Variants in HDAC9 observed in about 807,000 individuals in gnomAD.
HDAC9 encodes histone deacetylase 9.
Under a neutral mutation model 139.4 loss-of-function variants are expected in HDAC9, and 41 were observed. The ratio of observed to expected loss-of-function variants is 0.29; its 90% CI spans 0.23 to 0.38. The LOEUF (loss-of-function observed/expected upper bound fraction) is 0.38. Ranked by LOEUF, HDAC9 falls within the 10% of genes least tolerant of loss-of-function variation. HDAC9 has a pLI of 1.00. For missense variants in HDAC9, 1,147 were observed against 1,297.0 expected, an observed-to-expected ratio of 0.88 and a Z score of 1.78; for synonymous variants, 517 against 476.2, an observed-to-expected ratio of 1.09 and a Z score of -1.12.
chr7:18,975,787 T>A lies in HDAC9; in HGVS notation c.3023-19T>A. 1 of 1,611,810 alleles carries A rather than the reference T, an allele frequency of 6.2e-7. No homozygotes were observed. Among genetic ancestry groups the A allele is most frequent in the Non-Finnish European group, 8.5e-7 (1 of 1,178,144 alleles). On this transcript the variant is annotated intron_variant, in intron 24 of 25. Transcript: ENST00000686413. The stretch of plus-strand genomic sequence containing the variant: ...CTGTAATTACAATTCTTATGAAGTA[T>A]GATGGATGTTTTTCCTAGGCAAGTA...
chr7:18,547,857 T>TTCCTTCCTTCCTTCCC (rs1563229989), intron 2 of HDAC9, among the ~76,000 whole-genome samples: 3 of 118,496 alleles, frequency 2.5e-5, no homozygotes, highest in African/African-American at 1.2e-4. Flanking sequence ...CCTTCCTTCC[T>TTCCTTCCTTCCTTCCC]ACCCTCCCTC....
At chr7:18,107,064 G>A (rs1284559797) in intron 1 of HDAC9, among the ~76,000 whole-genome samples, 1 of 152,190 alleles carries the variant, frequency 6.6e-6, no homozygotes, top group African/African-American at 2.4e-5. Flanking sequence ...ATAAAATGTA[G>A]TGGACTGGGT....
At chr7:18,578,595 C>G (rs771743529) in intron 2 of HDAC9, among the ~76,000 whole-genome samples, 1 of 152,166 alleles carries the variant, frequency 6.6e-6, no homozygotes, top group Non-Finnish European at 1.5e-5. Context: ...AAGATCACAT[C>G]TGGCTTTTTT....
At chr7:18,853,638 A>C (rs1011431480) in intron 21 of HDAC9, among the ~76,000 whole-genome samples, 1 of 152,168 alleles carries the variant, frequency 6.6e-6, no homozygotes. Flanking sequence ...AACTGTTATA[A>C]TTTAAGAGTT....
chr7:18,630,600 T>A (rs1489789032), intron 7 of HDAC9, among the ~76,000 whole-genome samples: 3 of 152,124 alleles, frequency 2.0e-5, no homozygotes, highest in Non-Finnish European at 4.4e-5. Context: ...GTGTTAGTGA[T>A]TTCAATGGAA....
intron 2 of HDAC9, among the ~76,000 whole-genome samples, chr7:18,208,221 A>G (rs1776482017): frequency 6.6e-6 from 1 of 152,122 alleles, no homozygotes; most frequent in African/African-American, 2.4e-5. Context: ...ATAGTTACCC[A>G]GATGACCACC....
intron 2 of HDAC9, among the ~76,000 whole-genome samples, chr7:18,497,463 GTTAATT>G (rs1468145906): frequency 1.3e-5 from 2 of 152,112 alleles, no homozygotes; most frequent in Non-Finnish European, 2.9e-5. Context: ...GGTTAGTTAT[GTTAATT>G]TTAAGATCCT....
At chr7:18,182,802 C>G (rs1789555249) in intron 2 of HDAC9, among the ~76,000 whole-genome samples, 1 of 152,056 alleles carries the variant, frequency 6.6e-6, no homozygotes, top group Non-Finnish European at 1.5e-5. Flanking sequence ...GAGAATAAGG[C>G]TGATGAAGAG....
At chr7:18,990,526 G>C (rs2526634) in intron 25 of HDAC9, among the ~76,000 whole-genome samples, 1 of 152,368 alleles carries the variant, frequency 6.6e-6, no homozygotes, top group South Asian at 2.1e-4. Context: ...GCCCCCAGAG[G>C]TGGAGCCTAT....
At chr7:18,796,089 C>T (rs1370873700) in intron 17 of HDAC9, among the ~76,000 whole-genome samples, 5 of 152,092 alleles carry the variant, frequency 3.3e-5, no homozygotes, top group South Asian at 2.1e-4. Context: ...TGGCATGTTA[C>T]GATACCACAT....
At chr7:18,640,496 C>G (rs928574973) in intron 8 of HDAC9, among the ~76,000 whole-genome samples, 1 of 147,466 alleles carries the variant, frequency 6.8e-6, no homozygotes, top group South Asian at 2.2e-4. Context: ...TTATCTTCTT[C>G]TCTTTCCCTT....
At chr7:18,340,627 G>A (rs1236828447) in intron 1 of HDAC9, among the ~76,000 whole-genome samples, 1 of 151,428 alleles carries the variant, frequency 6.6e-6, no homozygotes, top group East Asian at 1.9e-4. Flanking sequence ...GTATATCACG[G>A]GAATTTTACC....
intron 2 of HDAC9, among the ~76,000 whole-genome samples, chr7:18,519,639 C>G (rs932555709): frequency 6.6e-5 from 10 of 152,038 alleles, no homozygotes; most frequent in African/African-American, 2.4e-4. Flanking sequence ...GGGGTGTTGT[C>G]ATGTATTAGT....
At chr7:18,923,971 C>A (rs986257032) in intron 22 of HDAC9, among the ~76,000 whole-genome samples, 1 of 151,676 alleles carries the variant, frequency 6.6e-6, no homozygotes, top group African/African-American at 2.4e-5. Context: ...AGACTTAAAA[C>A]AGAACAAAAC....
At chr7:18,850,081 TAAA>T (rs11327408) in intron 21 of HDAC9, among the ~76,000 whole-genome samples, 1 of 82,302 alleles carries the variant, frequency 1.2e-5, no homozygotes, top group Admixed American at 1.3e-4. Context: ...AAAGCCTGAG[TAAA>T]AAAAAAAAAA....
chr7:18,868,963 G>A (rs560833671), intron 21 of HDAC9, among the ~76,000 whole-genome samples: 5 of 152,220 alleles, frequency 3.3e-5, no homozygotes, highest in African/African-American at 4.8e-5. Flanking sequence ...GACTCCATAC[G>A]CCTTCCCCCA....
intron 1 of HDAC9, chr7:18,395,216 C>G (rs982708362): frequency 6.6e-6 from 1 of 151,924 alleles, no homozygotes; most frequent in African/African-American, 2.4e-5. Flanking sequence ...GGTTCTTCCA[C>G]CAGCTGTGTG....
intron 2 of HDAC9, among the ~76,000 whole-genome samples, chr7:18,210,849 C>T (rs76530260): frequency 6.6e-6 from 1 of 152,132 alleles, no homozygotes; most frequent in East Asian, 1.9e-4. Flanking sequence ...CATGACAGTC[C>T]GGAGGAGAAG....
chr7:18,087,870 T>C (rs6976869), intron 1 of HDAC9: 16,901 of 152,450 alleles, frequency 0.11, 2,648 homozygotes, highest in African/African-American at 0.35. Flanking sequence ...GAAGCCGTTA[T>C]CCCCTTGTCC....
Sources: allele counts gnomAD v4.1 joint callset (sites outside exome capture counted in the v4.1 genomes callset), GRCh38; gene constraint gnomAD v4.1.1; transcripts MANE v1.5; gene names NCBI Gene and HGNC (gene_info 2026-07-23, HGNC 2026-07-21).